Variants in MVK observed in about 807,000 individuals in gnomAD.
The protein encoded by MVK is LH receptor mRNA-binding protein.
In MVK, 34 loss-of-function variants were observed where a neutral mutation model predicts 43.2. The ratio of observed to expected loss-of-function variants is 0.79; its 90% CI spans 0.60 to 1.05. The LOEUF is 1.05. Among genes scored for constraint, MVK ranks in the 50% least tolerant of loss-of-function variants. The pLI, the probability that MVK is intolerant of heterozygous loss-of-function variation, is 0.00. For missense variants in MVK, 395 were observed against 504.0 expected (o/e 0.78, Z 2.07); for synonymous variants, 190 against 219.8 (o/e 0.86, Z 1.20).
chr12:109,579,157 TGAGA>T, intron 3 of MVK: 2 of 396,410 alleles, frequency 5.0e-6, no homozygotes, highest in Non-Finnish European at 9.8e-6. Context: ...TTTTTTTTTT[TGAGA>T]CAGGGTCTCA....
At position 109,596,731 on chromosome 12, in the gene MVK, C is replaced by A; in HGVS notation, c.*154C>A. 1 of 1,125,406 alleles carries A rather than the reference C, an allele frequency of 8.9e-7. No individual in the cohort carries two copies. 69.7% of individuals were successfully genotyped at this position (1,125,406 alleles called of 1,614,324 possible). On this transcript the variant is annotated 3_prime_UTR_variant, in exon 11 of 11. Transcript: ENST00000228510. The stretch of plus-strand genomic sequence containing the variant: ...GGCGATGCCAGCCAAGCTCTGCAGT[C>A]CCAGCGGTGGGACCTAGGGAGGCAT...
intron 10 of MVK, 67 bp from the exon 11 acceptor site, chr12:109,596,359 T>C: frequency 6.4e-7 from 1 of 1,566,318 alleles, no homozygotes. Flanking sequence ...GCTTTTGCCT[T>C]GAATATGATG....
intron 5 of MVK, among the ~76,000 whole-genome samples, chr12:109,585,260 G>A (rs1414384851): frequency 6.6e-6 from 1 of 152,194 alleles, no homozygotes; most frequent in Non-Finnish European, 1.5e-5. Flanking sequence ...AGGGCCCTGG[G>A]AAAGAGTCAC....
At chr12:109,580,666 G>A (rs909744458) in intron 4 of MVK, among the ~76,000 whole-genome samples, 6 of 152,108 alleles carry the variant, frequency 3.9e-5, no homozygotes, top group African/African-American at 9.7e-5. Flanking sequence ...ATTTGAAGAC[G>A]CACATTATTA....
At chr12:109,584,245 A>G (rs1237810243) in intron 5 of MVK, among the ~76,000 whole-genome samples, 1 of 152,234 alleles carries the variant, frequency 6.6e-6, no homozygotes, top group Non-Finnish European at 1.5e-5. Context: ...ATGTTAACTC[A>G]TTATTAATCA....
chr12:109,575,877 T>A, intron 2 of MVK, 121 bp from the exon 3 acceptor site: 1 of 1,176,834 alleles, frequency 8.5e-7, no homozygotes, highest in South Asian at 1.3e-5. Context: ...ATTAGCAGTG[T>A]CTGGCAAGGG....
intron 3 of MVK, chr12:109,579,194 C>T (rs1453117941): frequency 9.1e-6 from 4 of 441,360 alleles, no homozygotes; most frequent in East Asian, 7.2e-5. Flanking sequence ...GCCTGGAGTA[C>T]AGTGGTGCGA....
At chr12:109,579,149 T>A (rs550659627) in intron 3 of MVK, 31 of 399,774 alleles carry the variant, frequency 7.8e-5, no homozygotes, top group Admixed American at 1.2e-4. Flanking sequence ...TTTTTTTTTT[T>A]TTTTTTTTGA....
At chr12:109,576,742 A>C (rs1884975208) in intron 3 of MVK, among the ~76,000 whole-genome samples, 1 of 152,018 alleles carries the variant, frequency 6.6e-6, no homozygotes, top group Non-Finnish European at 1.5e-5. Context: ...GTGGTGGCAC[A>C]CACCTGTAAT....
chr12:109,580,444 C>T lies in MVK; in HGVS notation c.371+498C>T, dbSNP rs547400411. Among the ~76,000 whole-genome samples the T allele has an allele frequency of 1.6e-3, 238 of 152,176 alleles. 1 individual carries two copies. The highest frequency in any genetic ancestry group is 3.0e-3 in the Admixed American group (46 of 15,290). ...TGTTTTTGTTGTTTTTGTTTTTGTC[C>T]AGAACCCAAAGGGAAAAAAACCTCA... On this transcript the variant is annotated intron_variant, in intron 4 of 10. Coordinates refer to ENST00000228510, the MANE Select transcript of MVK (RefSeq NM_000431.4).
At chr12:109,594,991 C>T (rs780884865) in intron 9 of MVK, 37 bp from the exon 10 acceptor site, 2 of 1,612,776 alleles carry the variant, frequency 1.2e-6, no homozygotes, top group Admixed American at 1.7e-5. Context: ...TGGCCTCAGG[C>T]AGGCCAAGTG....
intron 4 of MVK, among the ~76,000 whole-genome samples, chr12:109,580,568 C>T (rs1340201861): frequency 6.6e-6 from 1 of 152,130 alleles, no homozygotes; most frequent in Admixed American, 6.5e-5. Context: ...CCGTCCGAAG[C>T]AGAATTTCAA....
upstream of MVK, chr12:109,573,395 T>C (rs1884737675): frequency 6.2e-7 from 1 of 1,611,988 alleles, no homozygotes. Context: ...GAAACGGGGA[T>C]ACAGGAGCCT....
At chr12:109,579,139 T>TTTA (rs1462287694) in intron 3 of MVK, 7 of 287,234 alleles carry the variant, frequency 2.4e-5, no homozygotes, top group Admixed American at 4.0e-5. Flanking sequence ...AGACTACAAT[T>TTTA]TTTTTTTTTT....
intron 8 of MVK, 81 bp downstream of exon 8, chr12:109,590,942 C>T: frequency 6.9e-7 from 1 of 1,446,000 alleles, no homozygotes; most frequent in Non-Finnish European, 9.6e-7. Context: ...CTCCCTCTGG[C>T]TGATGGGTTA....
chr12:109,591,019 G>A (rs764188675), intron 8 of MVK, among the ~76,000 whole-genome samples, 158 bp downstream of exon 8: 8 of 152,268 alleles, frequency 5.3e-5, no homozygotes, highest in Non-Finnish European at 8.8e-5. Context: ...GGTACCGTCC[G>A]TGCCCGTAGC....
At chr12:109,593,673 G>C (rs1209838709) in intron 9 of MVK, among the ~76,000 whole-genome samples, 2 of 149,880 alleles carry the variant, frequency 1.3e-5, no homozygotes, top group African/African-American at 4.9e-5. Flanking sequence ...GCCAGGCATT[G>C]AACAGAAAAC....
chr12:109,584,627 G>A (rs534752419), intron 5 of MVK, among the ~76,000 whole-genome samples: 6 of 152,320 alleles, frequency 3.9e-5, no homozygotes, highest in Admixed American at 6.5e-5. Context: ...GCTCACGCCT[G>A]TAATCCCAGC....
rs370745426 is a variant in MVK at position 109,586,112 on chromosome 12, T to A, written c.618T>A (p.Ala206=). Residue 206 remains alanine, a synonymous_variant, in exon 6 of 11, where the codon GCT becomes GCA. Coordinates refer to ENST00000228510, the MANE Select transcript of MVK (RefSeq NM_000431.4). ...IHGNPSGVDN[A]VSTWGGALRY... Reference sequence around the variant, plus strand: ...GGAACCCCTCCGGAGTGGACAATGCTGTCAGCACCTGGGGTAGGTGTGGCC... The same window carrying A: ...GGAACCCCTCCGGAGTGGACAATGCAGTCAGCACCTGGGGTAGGTGTGGCC... 4.5e-5 allele frequency: 73 copies of A among 1,613,570 alleles called. 1 individual carries two copies. The African/African-American group carries it at 9.1e-4, about 20-fold the overall frequency.
Sources: allele counts gnomAD v4.1 joint callset (sites outside exome capture counted in the v4.1 genomes callset), GRCh38; gene constraint gnomAD v4.1.1; transcripts MANE v1.5; gene names NCBI Gene and HGNC (gene_info 2026-07-23, HGNC 2026-07-21).